CCDC192: variants seen among roughly 807,000 people sequenced by gnomAD.
The protein encoded by CCDC192 is coiled-coil domain containing 192, also known as coiled-coil domain-containing protein 192.
chr5:127,935,991 C>A (rs1754175882), intron 6 of CCDC192, among the ~76,000 whole-genome samples: 1 of 152,166 alleles, frequency 6.6e-6, no homozygotes, highest in Non-Finnish European at 1.5e-5. Flanking sequence ...GTAATCCCAG[C>A]TACTCAAGAG....
intron 3 of CCDC192, among the ~76,000 whole-genome samples, chr5:127,770,680 CGA>C (rs979974702): frequency 5.3e-5 from 8 of 152,036 alleles, no homozygotes; most frequent in Admixed American, 3.3e-4. Flanking sequence ...GATCCAGGAG[CGA>C]ATGCACATAG....
At chr5:127,723,689 C>T (rs572757207) in intron 2 of CCDC192, among the ~76,000 whole-genome samples, 1 of 152,338 alleles carries the variant, frequency 6.6e-6, no homozygotes, top group East Asian at 1.9e-4. Flanking sequence ...TCTCTGGATA[C>T]TTGGGGAAGT....
chr5:127,921,542 A>C (rs1753721161), intron 6 of CCDC192, among the ~76,000 whole-genome samples: 1 of 152,262 alleles, frequency 6.6e-6, no homozygotes, highest in Admixed American at 6.5e-5. Context: ...TATGTTAAGT[A>C]TTAAAATAGT....
intron 6 of CCDC192, among the ~76,000 whole-genome samples, chr5:127,893,132 C>T (rs1175636381): frequency 6.6e-6 from 1 of 152,136 alleles, no homozygotes; most frequent in Non-Finnish European, 1.5e-5. Context: ...CTTGTCCACT[C>T]CCATGTTTTA....
intron 2 of CCDC192, among the ~76,000 whole-genome samples, chr5:127,708,971 C>G (rs1751127922): frequency 6.6e-6 from 1 of 151,876 alleles, no homozygotes; most frequent in African/African-American, 2.4e-5. Flanking sequence ...AAAAGAGATT[C>G]AATTGGCTCG....
intron 5 of CCDC192, among the ~76,000 whole-genome samples, chr5:127,838,209 T>A (rs573450820): frequency 4.6e-5 from 7 of 152,340 alleles, no homozygotes; most frequent in African/African-American, 1.7e-4. Context: ...GAAGCCTAGT[T>A]TCTACAGCAC....
chr5:127,703,392 A>T lies in CCDC192; in HGVS notation c.-54A>T. ...AGGGATTCTAAAACTCTAAAGAATG[A>T]TGCCTGTTGACGTCTGTCCCAGGGA... On this transcript the variant is annotated 5_prime_UTR_variant, in exon 1 of 7. An upstream start codon of the reference 5' UTR is lost. Coordinates refer to ENST00000514853, the MANE Select transcript of CCDC192 (RefSeq NM_001317938.2). 1 of 398,934 alleles carries T rather than the reference A, an allele frequency of 2.5e-6. No individual in the cohort carries two copies. The highest frequency in any genetic ancestry group is 4.4e-6 in the Non-Finnish European group (1 of 226,024). The allele number at this position is 398,934 out of a possible 1,614,324, so 24.7% of individuals were successfully genotyped here.
At chr5:127,739,099 T>C (rs997150751) in intron 2 of CCDC192, among the ~76,000 whole-genome samples, 1 of 152,114 alleles carries the variant, frequency 6.6e-6, no homozygotes, top group Non-Finnish European at 1.5e-5. Flanking sequence ...GATGTACAGA[T>C]GGGTTTTTGG....
Position 127,778,054 on chromosome 5 carries a change from A to G in CCDC192, c.223-19049A>G, listed in dbSNP as rs543647620. ...TGTTTGGAATTTTTCTTAAAATAGAATTATGTCATTTTCAAATACAGATAG... is the reference window on the plus strand; with the variant it reads ...TGTTTGGAATTTTTCTTAAAATAGAGTTATGTCATTTTCAAATACAGATAG... On this transcript the variant is annotated intron_variant, in intron 3 of 6. Transcript: ENST00000514853. Among the ~76,000 whole-genome samples the G allele has an allele frequency of 3.0e-4, 46 of 152,144 alleles. 1 individual carries two copies. Among genetic ancestry groups the G allele is most frequent in the African/African-American group, 1.1e-3 (45 of 41,520 alleles).
intron 5 of CCDC192, among the ~76,000 whole-genome samples, chr5:127,870,275 G>T (rs245182): frequency 0.7 from 106,055 of 151,962 alleles, 37,123 homozygotes; most frequent in African/African-American, 0.76. Flanking sequence ...ATTTCCTAGG[G>T]TCTCTAAAGA....
intron 6 of CCDC192, among the ~76,000 whole-genome samples, chr5:127,908,814 C>T (rs1235243): frequency 0.97 from 147,099 of 152,320 alleles, 71,078 homozygotes; most frequent in East Asian, 1. Flanking sequence ...ACTTTGGCAT[C>T]CAAGTTGAGA....
chr5:127,930,222 CTAAACTAAAG>C (rs147121067), intron 6 of CCDC192, among the ~76,000 whole-genome samples: 8 of 32,064 alleles, frequency 2.5e-4, no homozygotes, highest in African/African-American at 3.4e-4. Context: ...CTAAACTAAA[CTAAACTAAAG>C]TAAACTAAAC....
intron 2 of CCDC192, among the ~76,000 whole-genome samples, chr5:127,718,752 A>T (rs946923765): frequency 1.3e-5 from 2 of 152,132 alleles, no homozygotes; most frequent in Non-Finnish European, 2.9e-5. Context: ...ATATTTAAAA[A>T]TTTTTAATTG....
At chr5:127,879,880 A>G (rs1255532023) in intron 6 of CCDC192, among the ~76,000 whole-genome samples, 1 of 148,960 alleles carries the variant, frequency 6.7e-6, no homozygotes, top group Non-Finnish European at 1.5e-5. Context: ...AATCAAAACC[A>G]CAATGAGATA....
At chr5:127,848,334 G>A (rs1323490117) in intron 5 of CCDC192, among the ~76,000 whole-genome samples, 3 of 152,204 alleles carry the variant, frequency 2.0e-5, no homozygotes, top group African/African-American at 7.2e-5. Context: ...CAACTTGAGA[G>A]TGAACTTGGA....
At chr5:127,831,927 T>C (rs1447917055) in intron 5 of CCDC192, among the ~76,000 whole-genome samples, 2 of 151,864 alleles carry the variant, frequency 1.3e-5, no homozygotes, top group Non-Finnish European at 2.9e-5. Flanking sequence ...AAACTGTAAA[T>C]AAGTTAAATT....
intron 2 of CCDC192, among the ~76,000 whole-genome samples, chr5:127,708,071 C>T (rs74769180): frequency 0.055 from 8,411 of 152,076 alleles, 540 homozygotes; most frequent in East Asian, 0.27. Context: ...CTATAGACAT[C>T]CCTGGGCTAT....
chr5:127,780,317 G>A (rs1475979971), intron 3 of CCDC192, among the ~76,000 whole-genome samples: 1 of 151,978 alleles, frequency 6.6e-6, no homozygotes, highest in South Asian at 2.1e-4. Flanking sequence ...TTTTCCTCTG[G>A]GTAAATATCC....
At chr5:127,765,447 A>G (rs1755167113) in intron 3 of CCDC192, among the ~76,000 whole-genome samples, 1 of 152,210 alleles carries the variant, frequency 6.6e-6, no homozygotes, top group African/African-American at 2.4e-5. Flanking sequence ...TAATAAAAGC[A>G]CTTTTAAATT....
Sources: allele counts gnomAD v4.1 joint callset (sites outside exome capture counted in the v4.1 genomes callset), GRCh38; gene constraint gnomAD v4.1.1; transcripts MANE v1.5; gene names NCBI Gene and HGNC (gene_info 2026-07-23, HGNC 2026-07-21).